The following RBM20 variants were observed in gnomAD, a reference collection of about 807,000 sequenced individuals.
RBM20 encodes the protein RNA-binding protein 20.
Under a neutral mutation model 110.1 loss-of-function variants are expected in RBM20, and 51 were observed. The observed-to-expected ratio is 0.46, with a 90% CI of 0.37 to 0.59. The LOEUF is 0.59. RBM20 is among the 20% of genes least tolerant of loss of function. The pLI is 0.00. For synonymous variants in RBM20, 589 were observed against 618.2 expected (o/e 0.95, Z 0.70); for missense variants, 1,512 against 1,574.9 (o/e 0.96, Z 0.68).
intron 1 of RBM20, among the ~76,000 whole-genome samples, chr10:110,692,941 A>G (rs1465469044): frequency 6.6e-6 from 1 of 152,036 alleles, no homozygotes; most frequent in East Asian, 1.9e-4. Flanking sequence ...TTTTTCTTCC[A>G]TTCCTAGTTT....
intron 1 of RBM20, among the ~76,000 whole-genome samples, chr10:110,727,295 C>T (rs562783955): frequency 2.6e-4 from 39 of 149,660 alleles, no homozygotes; most frequent in African/African-American, 7.3e-4. Flanking sequence ...TTCTGATTCA[C>T]GCACGGTTTA....
At chr10:110,758,088 A>G (rs1444727176) in intron 1 of RBM20, among the ~76,000 whole-genome samples, 2 of 127,260 alleles carry the variant, frequency 1.6e-5, no homozygotes, top group African/African-American at 6.1e-5. Flanking sequence ...GTGCGATCTC[A>G]GCTCACTGCA....
In RBM20 at chr10:110,799,531, C is replaced by T. The variant is rs7086491; in HGVS notation, c.1669-256C>T. On this transcript the variant is annotated intron_variant, in intron 6 of 13. Coordinates refer to ENST00000369519, the MANE Select transcript of RBM20 (RefSeq NM_001134363.3). Reference sequence around the variant, plus strand: ...ATCCTAAGTGTACAATTCCATTAATCGGTTACATGTGTACACCCATATAAT... The same window carrying T: ...ATCCTAAGTGTACAATTCCATTAATTGGTTACATGTGTACACCCATATAAT... Among the ~76,000 whole-genome samples, 59,502 of 151,968 alleles carry T rather than the reference C, an allele frequency of 0.39. 12,088 individuals carry two copies. Among genetic ancestry groups the T allele is most frequent in the South Asian group, 0.58 (2,810 of 4,818 alleles).
At chr10:110,712,928 T>C (rs1862957937) in intron 1 of RBM20, among the ~76,000 whole-genome samples, 1 of 152,218 alleles carries the variant, frequency 6.6e-6, no homozygotes, top group Admixed American at 6.5e-5. Flanking sequence ...CTCTGTAGAG[T>C]ATCTTAAAAT....
At chr10:110,701,314 A>C (rs550961141) in intron 1 of RBM20, among the ~76,000 whole-genome samples, 18 of 152,130 alleles carry the variant, frequency 1.2e-4, no homozygotes, top group Middle Eastern at 3.4e-3. Flanking sequence ...TCACCTGGTC[A>C]GCCAAAGCTT....
At chr10:110,744,384 C>T (rs1226846926) in intron 1 of RBM20, among the ~76,000 whole-genome samples, 1 of 152,158 alleles carries the variant, frequency 6.6e-6, no homozygotes, top group East Asian at 1.9e-4. Context: ...CGGGCTGATG[C>T]TTGTGGCTGG....
At chr10:110,683,914 G>C (rs370795069) in intron 1 of RBM20, among the ~76,000 whole-genome samples, 4 of 152,290 alleles carry the variant, frequency 2.6e-5, no homozygotes. Context: ...TTTGCTGGAA[G>C]ATAATGGAAG....
chr10:110,683,076 ATT>A (rs1187116156), intron 1 of RBM20, among the ~76,000 whole-genome samples: 1 of 152,062 alleles, frequency 6.6e-6, no homozygotes, highest in Non-Finnish European at 1.5e-5. Flanking sequence ...ACAATTTTTG[ATT>A]GTGTCTAATT....
intron 10 of RBM20, among the ~76,000 whole-genome samples, chr10:110,821,067 A>T (rs1055434606): frequency 2.0e-5 from 3 of 152,206 alleles, no homozygotes; most frequent in African/African-American, 7.2e-5. Flanking sequence ...ATGGTGGATT[A>T]AGCATTAAGG....
At chr10:110,767,388 G>C (rs1190969454) in intron 1 of RBM20, among the ~76,000 whole-genome samples, 1 of 147,830 alleles carries the variant, frequency 6.8e-6, no homozygotes, top group African/African-American at 2.5e-5. Context: ...CCTGGCGGGG[G>C]CTGACCCCCA....
At chr10:110,754,130 T>C (rs1398141596) in intron 1 of RBM20, among the ~76,000 whole-genome samples, 3 of 152,240 alleles carry the variant, frequency 2.0e-5, no homozygotes, top group African/African-American at 7.2e-5. Flanking sequence ...ATCAGAATTA[T>C]AGATTTGTCA....
At chr10:110,656,581 G>A (rs1354114768) in intron 1 of RBM20, among the ~76,000 whole-genome samples, 1 of 152,154 alleles carries the variant, frequency 6.6e-6, no homozygotes, top group African/African-American at 2.4e-5. Context: ...CAAAATGGTT[G>A]CATTGCCTCA....
intron 1 of RBM20, among the ~76,000 whole-genome samples, chr10:110,672,351 C>G (rs1862274090): frequency 6.6e-6 from 1 of 152,202 alleles, no homozygotes; most frequent in Non-Finnish European, 1.5e-5. Flanking sequence ...TAATTCAACC[C>G]TCGTGTTTGA....
chr10:110,705,364 G>C (rs1487608758), intron 1 of RBM20, among the ~76,000 whole-genome samples: 2 of 152,158 alleles, frequency 1.3e-5, no homozygotes, highest in Non-Finnish European at 2.9e-5. Flanking sequence ...ATACTACTCA[G>C]ATCCAATAAA....
At chr10:110,706,170 C>T (rs376694443) in intron 1 of RBM20, among the ~76,000 whole-genome samples, 2 of 152,288 alleles carry the variant, frequency 1.3e-5, no homozygotes, top group East Asian at 3.9e-4. Context: ...AGACAACATC[C>T]TACCTTATTG....
At position 110,821,708 on chromosome 10, in the gene RBM20, A is replaced by AGGGAGT. The variant is rs1258465041; in HGVS notation, c.3092_3097dup (p.Gly1031_Val1032dup). 1 of 1,551,786 alleles carries AGGGAGT rather than the reference A, an allele frequency of 6.4e-7. No homozygotes were observed. On this transcript the variant is annotated inframe_insertion, in exon 11 of 14. Coordinates refer to ENST00000369519, the MANE Select transcript of RBM20 (RefSeq NM_001134363.3). ...TCAGATTGCTACGAGAAGGAGGCAA[A>AGGGAGT]GGGAGTGGAGAGCTCAGATGTTCAT...
At chr10:110,791,331 A>G (rs759566127) in intron 5 of RBM20, among the ~76,000 whole-genome samples, 4 of 152,214 alleles carry the variant, frequency 2.6e-5, no homozygotes, top group Admixed American at 6.5e-5. Flanking sequence ...TCTGAGACAG[A>G]TCAGGCTGGA....
chr10:110,669,190 A>C (rs1862224046), intron 1 of RBM20, among the ~76,000 whole-genome samples: 1 of 152,206 alleles, frequency 6.6e-6, no homozygotes, highest in Admixed American at 6.5e-5. Context: ...TACTTTGGCT[A>C]ATCCACTGAC....
intron 1 of RBM20, among the ~76,000 whole-genome samples, chr10:110,757,231 A>G (rs1306722919): frequency 1.3e-5 from 2 of 152,162 alleles, no homozygotes; most frequent in Non-Finnish European, 2.9e-5. Flanking sequence ...TCTTTGCTCT[A>G]TTCCTCTATG....
Sources: allele counts gnomAD v4.1 joint callset (sites outside exome capture counted in the v4.1 genomes callset), GRCh38; gene constraint gnomAD v4.1.1; transcripts MANE v1.5; gene names NCBI Gene and HGNC (gene_info 2026-07-23, HGNC 2026-07-21).